Variants in RAB22A observed in about 807,000 individuals in gnomAD.
The protein encoded by RAB22A is ras-related protein Rab-22A.
RAB22A carries 13 observed loss-of-function variants against 30.2 expected under a neutral mutation model. The observed-to-expected ratio is 0.43, with a 90% confidence interval of 0.28 to 0.68. The LOEUF (loss-of-function observed/expected upper bound fraction) is 0.68. Ranked by LOEUF, RAB22A falls within the 30% of genes least tolerant of loss-of-function variation. RAB22A has a pLI of 0.18. For missense variants in RAB22A, 177 were observed against 246.8 expected, an observed-to-expected ratio of 0.72 and a Z score of 1.89; for synonymous variants, 89 against 87.2, an observed-to-expected ratio of 1.02 and a Z score of -0.11.
At chr20:58,327,762 G>A (rs551920262) in intron 2 of RAB22A, among the ~76,000 whole-genome samples, 32 of 152,246 alleles carry the variant, frequency 2.1e-4, no homozygotes, top group Non-Finnish European at 3.1e-4. Context: ...AGCATTATCT[G>A]TATCTAATCA....
rs533082631 is a variant in RAB22A at position 58,348,804 on chromosome 20, A to G, written c.199-4469A>G. Among the ~76,000 whole-genome samples the G allele has an allele frequency of 6.7e-3, 990 of 147,600 alleles. 14 individuals are homozygous for G. Among genetic ancestry groups the G allele is most frequent in the African/African-American group, 0.023 (918 of 39,550 alleles). On this transcript the variant is annotated intron_variant, in intron 3 of 6. Transcript: ENST00000244040. Reference sequence around the variant, plus strand: ...TAGCTGATGAGCTTAAAAAAAAAAAATCGCAAAAACAGCTCAGTGTTTTAA... The same window carrying G: ...TAGCTGATGAGCTTAAAAAAAAAAAGTCGCAAAAACAGCTCAGTGTTTTAA...
chr20:58,315,812 G>A (rs2122923999), intron 2 of RAB22A, among the ~76,000 whole-genome samples: 1 of 152,156 alleles, frequency 6.6e-6, no homozygotes, highest in African/African-American at 2.4e-5. Flanking sequence ...CTATTGAGCT[G>A]ATTTCAGAAC....
At chr20:58,340,927 A>AG (rs1248293349) in intron 2 of RAB22A, among the ~76,000 whole-genome samples, 40 of 152,296 alleles carry the variant, frequency 2.6e-4, no homozygotes, top group African/African-American at 7.9e-4. Context: ...GTCCGTGGGA[A>AG]GGTGGACACA....
At chr20:58,315,000 G>A (rs59863974) in intron 2 of RAB22A, among the ~76,000 whole-genome samples, 17,579 of 152,068 alleles carry the variant, frequency 0.12, 1,500 homozygotes, top group African/African-American at 0.24. Flanking sequence ...TCAGGAGGCC[G>A]GGGTGGCTGG....
chr20:58,312,919 G>C (rs917394750), intron 2 of RAB22A, among the ~76,000 whole-genome samples: 1 of 152,300 alleles, frequency 6.6e-6, no homozygotes, highest in South Asian at 2.1e-4. Context: ...TATGACACAT[G>C]TAAAACATGA....
At chr20:58,330,139 A>G (rs754622101) in intron 2 of RAB22A, among the ~76,000 whole-genome samples, 1 of 152,326 alleles carries the variant, frequency 6.6e-6, no homozygotes, top group Admixed American at 6.5e-5. Context: ...ATGCTATATC[A>G]TTTTATACAA....
intron 2 of RAB22A, among the ~76,000 whole-genome samples, chr20:58,326,449 C>T (rs962283346): frequency 3.3e-5 from 5 of 151,968 alleles, no homozygotes; most frequent in Admixed American, 2.0e-4. Flanking sequence ...TAATGTTTTG[C>T]GGATTTAACC....
intron 2 of RAB22A, among the ~76,000 whole-genome samples, chr20:58,312,318 G>A (rs985033304): frequency 6.7e-6 from 1 of 150,040 alleles, no homozygotes; most frequent in African/African-American, 2.5e-5. Context: ...GAGTGCAGTG[G>A]CACAATCATG....
chr20:58,343,602 G>T, intron 2 of RAB22A, 116 bp from the exon 3 acceptor site: 6 of 710,930 alleles, frequency 8.4e-6, no homozygotes, highest in South Asian at 7.1e-5. Context: ...ACACAATTAG[G>T]ATACAGCGTG....
At chr20:58,354,728 G>A (rs1472720085) in intron 6 of RAB22A, among the ~76,000 whole-genome samples, 1 of 152,116 alleles carries the variant, frequency 6.6e-6, no homozygotes, top group African/African-American at 2.4e-5. Context: ...TACTCGATGG[G>A]AGAGGGGCTG....
rs748420123 is a variant in RAB22A, at chr20:58,343,713, T to TATA, written c.117-4_117-2dup. On this transcript the variant is annotated splice_region_variant and splice_polypyrimidine_tract_variant and intron_variant, in intron 2 of 6. Coordinates refer to ENST00000244040, the MANE Select transcript of RAB22A (RefSeq NM_020673.3). ...TATTCTGATCATTTAGGTCTCTCTTTATAGGGCATCTTTTATGACCAAGAC... is the reference window on the plus strand; with the variant it reads ...TATTCTGATCATTTAGGTCTCTCTTTATAATAGGGCATCTTTTATGACCAAGAC... The TATA allele has an allele frequency of 6.2e-7, 1 of 1,601,142 alleles. No homozygotes were observed. The highest frequency in any genetic ancestry group is 2.2e-5 in the East Asian group (1 of 44,794).
At chr20:58,341,655 A>G (rs1394966903) in intron 2 of RAB22A, among the ~76,000 whole-genome samples, 1 of 152,200 alleles carries the variant, frequency 6.6e-6, no homozygotes, top group South Asian at 2.1e-4. Flanking sequence ...TTAATCCTTC[A>G]GGGCACTTTC....
intron 2 of RAB22A, among the ~76,000 whole-genome samples, chr20:58,318,168 T>C (rs1456243103): frequency 6.6e-6 from 1 of 152,258 alleles, no homozygotes; most frequent in African/African-American, 2.4e-5. Flanking sequence ...ATTTTGCCTA[T>C]TCTTTTGTAA....
rs1987338316 is a variant in RAB22A, at chr20:58,367,422, T to G, written c.*7719T>G. 2 of 152,794 alleles carry G rather than the reference T, an allele frequency of 1.3e-5. No homozygotes were observed. Among genetic ancestry groups the G allele is most frequent in the Admixed American group, 6.5e-5 (1 of 15,302 alleles). 9.5% of individuals were successfully genotyped at this position (152,794 alleles called of 1,614,324 possible). On this transcript the variant is annotated 3_prime_UTR_variant, in exon 7 of 7. Transcript: ENST00000244040. ...AGCTTGAATATTCTATAATACACTT[T>G]TATAGAGTATAACATGCTAAATCAC...
At chr20:58,354,641 T>C (rs1309385267) in intron 6 of RAB22A, among the ~76,000 whole-genome samples, 2 of 152,274 alleles carry the variant, frequency 1.3e-5, no homozygotes, top group South Asian at 2.1e-4. Context: ...CCCTCAAAAA[T>C]AATACTAGGC....
Position 58,309,899 on chromosome 20 carries a change from G to C in RAB22A, c.-78G>C, listed in dbSNP as rs1986185332. On this transcript the variant is annotated 5_prime_UTR_variant, in exon 1 of 7. Coordinates refer to ENST00000244040, the MANE Select transcript of RAB22A (RefSeq NM_020673.3). ...GGGCCGTGCGGCGGCAGCGGCGCCA[G>C]GGGATGCTCTTGCTGGGCCTGGCCT... 1 of 1,226,746 alleles carries C rather than the reference G, an allele frequency of 8.2e-7. No individual in the cohort carries two copies. Among genetic ancestry groups the C allele is most frequent in the Non-Finnish European group, 1.0e-6 (1 of 969,362 alleles). The allele number at this position is 1,226,746 out of a possible 1,614,324, so 76.0% of individuals were successfully genotyped here. A position where few individuals can be genotyped will look rare whatever the true frequency, so the allele number is the denominator to read the frequency against.
At chr20:58,317,269 G>A (rs933498855) in intron 2 of RAB22A, among the ~76,000 whole-genome samples, 21 of 150,892 alleles carry the variant, frequency 1.4e-4, no homozygotes, top group Non-Finnish European at 2.7e-4. Flanking sequence ...GCTAATTTTT[G>A]TATTATTAGT....
chr20:58,360,248 C>T lies in RAB22A; in HGVS notation c.*545C>T, dbSNP rs1431722620. ...GATTTCATCTCTGCCATCTCTAAAG[C>T]ACTTTTCATTGAACATGTTAGCCTA... On this transcript the variant is annotated 3_prime_UTR_variant, in exon 7 of 7. Coordinates refer to ENST00000244040, the MANE Select transcript of RAB22A (RefSeq NM_020673.3). The T allele has an allele frequency of 6.6e-6, 1 of 152,634 alleles. No homozygotes were observed. The highest frequency in any genetic ancestry group is 2.4e-5 in the African/African-American group (1 of 41,432). 9.5% of individuals were successfully genotyped at this position (152,634 alleles called of 1,614,324 possible).
At chr20:58,323,583 G>A (rs1252275322) in intron 2 of RAB22A, among the ~76,000 whole-genome samples, 1 of 144,764 alleles carries the variant, frequency 6.9e-6, no homozygotes, top group East Asian at 2.0e-4. Flanking sequence ...TAGGTTTTTT[G>A]TACATATTCC....
Sources: gnomAD v4.1 joint callset for allele counts (sites outside exome capture counted in the v4.1 genomes callset) on GRCh38, gnomAD v4.1.1 for gene constraint, MANE v1.5 for transcripts, NCBI Gene and HGNC (gene_info 2026-07-23, HGNC 2026-07-21) for gene names.